The following BANK1 variants were observed in gnomAD, a reference collection of about 807,000 sequenced individuals.
The protein encoded by BANK1 is B-cell scaffold protein with ankyrin repeats.
In BANK1, 95 loss-of-function variants were observed where a neutral mutation model predicts 94.5. The observed-to-expected ratio is 1.00, with a 90% CI of 0.85 to 1.19. The LOEUF is 1.19. Among genes scored for constraint, BANK1 ranks in the 50% most tolerant of loss-of-function variants. The pLI is 0.00. For synonymous variants in BANK1, 334 were observed against 308.4 expected, an observed-to-expected ratio of 1.08 and a Z score of -0.87; for missense variants, 987 against 932.2, an observed-to-expected ratio of 1.06 and a Z score of -0.77.
At chr4:101,833,432 C>G (rs182966499) in intron 2 of BANK1, among the ~76,000 whole-genome samples, 1 of 152,176 alleles carries the variant, frequency 6.6e-6, no homozygotes, top group Non-Finnish European at 1.5e-5. Flanking sequence ...CAGATGTAGA[C>G]TGCTTTCTGT....
chr4:101,838,529 A>G (rs551819961), intron 2 of BANK1, among the ~76,000 whole-genome samples: 1 of 152,306 alleles, frequency 6.6e-6, no homozygotes, highest in Admixed American at 6.5e-5. Flanking sequence ...CTGCATAAAC[A>G]GCATGATTCC....
At chr4:101,810,054 G>A (rs1339966726) in intron 1 of BANK1, among the ~76,000 whole-genome samples, 1 of 152,226 alleles carries the variant, frequency 6.6e-6, no homozygotes, top group Non-Finnish European at 1.5e-5. Flanking sequence ...AAGGGAGGCA[G>A]AAGAGTGAGC....
intron 8 of BANK1, 65 bp downstream of exon 8, chr4:102,021,657 T>A: frequency 1.6e-6 from 1 of 635,364 alleles, no homozygotes; most frequent in Non-Finnish European, 2.4e-6. Flanking sequence ...TATATGTGAC[T>A]TATGGAAGAT....
chr4:101,936,373 G>GTGCATACA (rs553647944), intron 7 of BANK1, among the ~76,000 whole-genome samples: 1 of 149,620 alleles, frequency 6.7e-6, no homozygotes, highest in Non-Finnish European at 1.5e-5. Context: ...GCATATATGT[G>GTGCATACA]TGCATACATG....
chr4:101,878,379 T>C (rs144787634), intron 5 of BANK1, among the ~76,000 whole-genome samples: 5 of 152,298 alleles, frequency 3.3e-5, no homozygotes, highest in African/African-American at 1.2e-4. Context: ...TGTATAATGA[T>C]AAAGGATTCA....
At chr4:101,818,870 GTA>G (rs1359785726) in intron 1 of BANK1, among the ~76,000 whole-genome samples, 1 of 130,896 alleles carries the variant, frequency 7.6e-6, no homozygotes, top group Non-Finnish European at 1.6e-5. Context: ...AAAGATTACT[GTA>G]TTTTTTTTTT....
At chr4:101,883,036 ATAT>A (rs1468484504) in intron 5 of BANK1, among the ~76,000 whole-genome samples, 3 of 152,166 alleles carry the variant, frequency 2.0e-5, no homozygotes, top group Non-Finnish European at 4.4e-5. Context: ...TCACTTTTTC[ATAT>A]TATTTGTGTC....
At chr4:102,018,260 T>C (rs1387007240) in intron 7 of BANK1, among the ~76,000 whole-genome samples, 1 of 152,222 alleles carries the variant, frequency 6.6e-6, no homozygotes, top group Non-Finnish European at 1.5e-5. Context: ...ATACATAGAA[T>C]GTTACAAGGT....
intron 12 of BANK1, chr4:102,061,337 C>T (rs1728411822): frequency 6.6e-6 from 1 of 152,214 alleles, no homozygotes; most frequent in Admixed American, 6.5e-5. Context: ...TTAGAAACCA[C>T]CTGTCTCTAA....
Position 101,892,133 on chromosome 4 carries a change from A to G in BANK1, c.904-3172A>G, listed in dbSNP as rs184751117. Among the ~76,000 whole-genome samples the G allele has an allele frequency of 3.1e-4, 47 of 151,646 alleles. No individual in the cohort carries two copies. The East Asian group carries it at 9.1e-3, about 29-fold the overall frequency. On this transcript the variant is annotated intron_variant, in intron 5 of 16. Transcript: ENST00000322953. ...GGAGAGGAAAAAGGAAAGTAGGACT[A>G]CTACATCTTTCCAGAAGTAAATTCC...
At chr4:102,043,239 T>C (rs1727761916) in intron 10 of BANK1, among the ~76,000 whole-genome samples, 1 of 151,722 alleles carries the variant, frequency 6.6e-6, no homozygotes, top group South Asian at 2.1e-4. Context: ...ATCTGCAAAA[T>C]GGGGTGAGTA....
intron 1 of BANK1, among the ~76,000 whole-genome samples, chr4:101,802,524 G>T (rs1183010719): frequency 2.6e-5 from 4 of 152,070 alleles, no homozygotes; most frequent in Non-Finnish European, 5.9e-5. Context: ...CTTTTATGAG[G>T]ACTAGTCTGC....
At chr4:101,820,930 A>G (rs28757400) in intron 1 of BANK1, among the ~76,000 whole-genome samples, 4,626 of 151,980 alleles carry the variant, frequency 0.03, 249 homozygotes, top group African/African-American at 0.11. Flanking sequence ...GCTGCAGTGA[A>G]CATTCACGTG....
intron 2 of BANK1, among the ~76,000 whole-genome samples, chr4:101,851,048 C>T (rs148852260): frequency 2.8e-4 from 42 of 152,156 alleles, no homozygotes; most frequent in Admixed American, 1.7e-3. Context: ...AAATAAAAAG[C>T]TAAAAATAAT....
intron 7 of BANK1, among the ~76,000 whole-genome samples, chr4:101,984,023 G>A (rs560420566): frequency 6.6e-5 from 10 of 151,742 alleles, no homozygotes; most frequent in Non-Finnish European, 1.3e-4. Flanking sequence ...ATAAGAGAGG[G>A]GAATGTATAA....
intron 11 of BANK1, among the ~76,000 whole-genome samples, chr4:102,052,220 C>T (rs749740262): frequency 3.3e-5 from 5 of 150,770 alleles, no homozygotes; most frequent in African/African-American, 4.9e-5. Context: ...CGTGTTCATC[C>T]GATTCTCCTG....
chr4:101,829,182 T>C (rs535788713), intron 1 of BANK1, among the ~76,000 whole-genome samples: 35 of 152,280 alleles, frequency 2.3e-4, no homozygotes, highest in African/African-American at 8.4e-4. Context: ...TCTTTAACAG[T>C]TTTAGCTGGA....
chr4:101,792,444 T>C, intron 1 of BANK1, among the ~76,000 whole-genome samples: 1 of 98,658 alleles, frequency 1.0e-5, no homozygotes, highest in South Asian at 4.2e-4. Context: ...CAGTGGTTTG[T>C]GTGTGTGTGT....
intron 5 of BANK1, among the ~76,000 whole-genome samples, chr4:101,883,327 G>A (rs1229906802): frequency 6.6e-6 from 1 of 152,118 alleles, no homozygotes; most frequent in African/African-American, 2.4e-5. Flanking sequence ...GTTGTGAGAA[G>A]ACAATGTGTA....
Sources: allele counts gnomAD v4.1 joint callset (sites outside exome capture counted in the v4.1 genomes callset), GRCh38; gene constraint gnomAD v4.1.1; transcripts MANE v1.5; gene names NCBI Gene and HGNC (gene_info 2026-07-23, HGNC 2026-07-21).